Variants in DNAAF11 observed in about 807,000 individuals in gnomAD.
The protein encoded by DNAAF11 is leucine rich repeat containing 6.
In DNAAF11, 45 loss-of-function variants were observed where a neutral mutation model predicts 60.8. That is an observed-to-expected ratio of 0.74 (90% CI 0.58 to 0.95). DNAAF11 has a LOEUF of 0.95. Ranked by LOEUF, DNAAF11 falls within the 40% of genes least tolerant of loss-of-function variation. The pLI is 0.00. For missense variants in DNAAF11, 546 were observed against 546.2 expected, an observed-to-expected ratio of 1.00 and a Z score of 0.00; for synonymous variants, 191 against 183.5, an observed-to-expected ratio of 1.04 and a Z score of -0.33.
chr8:132,588,350 T>G (rs1311210282), intron 10 of DNAAF11, among the ~76,000 whole-genome samples: 1 of 152,194 alleles, frequency 6.6e-6, no homozygotes, highest in Non-Finnish European at 1.5e-5. Context: ...CCTGGCTTCT[T>G]AAATAAAAGT....
chr8:132,619,300 G>A (rs1428754137), intron 7 of DNAAF11, among the ~76,000 whole-genome samples: 1 of 151,916 alleles, frequency 6.6e-6, no homozygotes, highest in African/African-American at 2.4e-5. Flanking sequence ...GACTGTTGTG[G>A]GGTGGGGGGA....
rs567291382 is a variant in DNAAF11, at chr8:132,658,479, C to A, written c.179-1572G>T. ...CTGGGACTACAGGCGCCCGCCACCA[C>A]GCCTGGCTAATTTTTGTATTTTTAG... On this transcript the variant is annotated intron_variant, in intron 2 of 11. Coordinates refer to ENST00000620350, the MANE Select transcript of DNAAF11 (RefSeq NM_012472.6). Among the ~76,000 whole-genome samples, 23 of 152,066 alleles carry A rather than the reference C, an allele frequency of 1.5e-4. 1 individual carries two copies. The highest frequency in any genetic ancestry group is 1.3e-3 in the Admixed American group (20 of 15,272).
At chr8:132,679,971 AG>A (rs994098500), upstream of DNAAF11, among the ~76,000 whole-genome samples, 1 of 152,168 alleles carries the variant, frequency 6.6e-6, no homozygotes, top group African/African-American at 2.4e-5. Context: ...ATGATAAAGC[AG>A]GGAAATCAGC....
intron 4 of DNAAF11, among the ~76,000 whole-genome samples, chr8:132,635,908 G>A (rs1821245940): frequency 1.3e-5 from 2 of 152,130 alleles, no homozygotes; most frequent in Admixed American, 6.6e-5. Context: ...GCTCAAGAAT[G>A]CCAAAGATTG....
intron 10 of DNAAF11, among the ~76,000 whole-genome samples, chr8:132,588,327 C>T (rs1033915448): frequency 7.2e-5 from 11 of 152,152 alleles, no homozygotes; most frequent in Non-Finnish European, 2.9e-5. Flanking sequence ...TTAACATTTT[C>T]CTGTGAGTTT....
At chr8:132,669,443 A>G (rs537756802) in intron 1 of DNAAF11, among the ~76,000 whole-genome samples, 163 of 152,374 alleles carry the variant, frequency 1.1e-3, no homozygotes, top group Middle Eastern at 3.4e-3. Flanking sequence ...GGAATGTACT[A>G]GTAAGTGTAA....
intron 10 of DNAAF11, among the ~76,000 whole-genome samples, chr8:132,591,023 T>C (rs977886172): frequency 1.3e-5 from 2 of 152,256 alleles, no homozygotes; most frequent in Admixed American, 1.3e-4. Flanking sequence ...TTCCAATTTC[T>C]TTTATCATGG....
At chr8:132,648,280 G>A (rs1427870414) in intron 3 of DNAAF11, among the ~76,000 whole-genome samples, 1 of 152,142 alleles carries the variant, frequency 6.6e-6, no homozygotes, top group African/African-American at 2.4e-5. Context: ...CTCAATAGAT[G>A]CAGAAAAGGC....
At chr8:132,702,428 G>A in the DNAAF11 span, among the ~76,000 whole-genome samples, 1 of 152,224 alleles carries the variant, frequency 6.6e-6, no homozygotes, top group East Asian at 1.9e-4. Flanking sequence ...ATTGGAAGAA[G>A]TATTTATTCA....
At position 132,656,861 on chromosome 8, in the gene DNAAF11, T is replaced by C; in HGVS notation, c.225A>G (p.Leu75=). The change falls in exon 3 of 12, where the codon TTA becomes TTG. Residue 75 remains leucine, a synonymous_variant. Coordinates refer to ENST00000620350, the MANE Select transcript of DNAAF11 (RefSeq NM_012472.6). ...AGTTTTCTATTTTTTCAATGTTGTT[T>C]AAAGCTAAATTCAAATATTCAAGTT... is the stretch of plus-strand genomic sequence containing the variant. ...LKKLEYLNLA[L]NNIEKIENLE... 7.3e-7 allele frequency: 1 copy of C among 1,376,738 alleles called. No homozygotes were observed. 85.3% of individuals were successfully genotyped at this position (1,376,738 alleles called of 1,614,324 possible).
At chr8:132,702,160 T>G in the DNAAF11 span, 1 of 152,226 alleles carries the variant, frequency 6.6e-6, no homozygotes, top group African/African-American at 2.4e-5. Context: ...TCTTATTTGG[T>G]CTTCTCTATG....
At chr8:132,585,341 A>G (rs549933830) in intron 10 of DNAAF11, among the ~76,000 whole-genome samples, 66 of 152,296 alleles carry the variant, frequency 4.3e-4, no homozygotes, top group African/African-American at 1.5e-3. Context: ...GTGTGATGCC[A>G]TGCAGCTCCC....
chr8:132,687,900 T>C, the DNAAF11 span, among the ~76,000 whole-genome samples: 1 of 152,182 alleles, frequency 6.6e-6, no homozygotes, highest in South Asian at 2.1e-4. Flanking sequence ...CTTGAGAGTA[T>C]TTAAGCTAGA....
chr8:132,680,077 A>G (rs1825843099), upstream of DNAAF11, among the ~76,000 whole-genome samples: 1 of 152,236 alleles, frequency 6.6e-6, no homozygotes, highest in African/African-American at 2.4e-5. Flanking sequence ...TCTTAGAAAC[A>G]GAGGACCCAG....
intron 5 of DNAAF11, among the ~76,000 whole-genome samples, chr8:132,626,241 T>C (rs1325958945): frequency 3.3e-5 from 5 of 151,998 alleles, no homozygotes; most frequent in African/African-American, 7.3e-5. Flanking sequence ...TTAGTAGAGA[T>C]GAGGTTTCAC....
intron 11 of DNAAF11, among the ~76,000 whole-genome samples, chr8:132,580,838 C>T (rs1340835316): frequency 6.6e-6 from 1 of 152,124 alleles, no homozygotes; most frequent in East Asian, 1.9e-4. Context: ...GTAAAAATTG[C>T]TTGGTTGATT....
At chr8:132,578,005 T>G (rs549365279) in intron 11 of DNAAF11, among the ~76,000 whole-genome samples, 1 of 152,124 alleles carries the variant, frequency 6.6e-6, no homozygotes, top group Admixed American at 6.5e-5. Flanking sequence ...CCAAAACAAA[T>G]GTAGGAAGTT....
chr8:132,585,948 C>A (rs1347361032), intron 10 of DNAAF11, among the ~76,000 whole-genome samples: 1 of 152,118 alleles, frequency 6.6e-6, no homozygotes, highest in Non-Finnish European at 1.5e-5. Context: ...TGGGATGAAT[C>A]TAAATATTTC....
chr8:132,607,373 T>A (rs1818234540), intron 10 of DNAAF11, among the ~76,000 whole-genome samples: 1 of 152,138 alleles, frequency 6.6e-6, no homozygotes, highest in East Asian at 1.9e-4. Context: ...ATCGACCCAG[T>A]GGTGAGTGTT....
Sources: gnomAD v4.1 joint callset for allele counts (sites outside exome capture counted in the v4.1 genomes callset) on GRCh38, gnomAD v4.1.1 for gene constraint, MANE v1.5 for transcripts, NCBI Gene and HGNC (gene_info 2026-07-23, HGNC 2026-07-21) for gene names.